Variants in UNC80 observed in about 807,000 individuals in gnomAD.
UNC80 encodes protein unc-80 homolog.
In UNC80, 164 loss-of-function variants were observed where a neutral mutation model predicts 384.6. That is an observed-to-expected ratio of 0.43 (90% CI 0.38 to 0.49). UNC80 has a LOEUF of 0.49. UNC80 is among the 20% of genes least tolerant of loss of function. The pLI, the probability that UNC80 is intolerant of heterozygous loss-of-function variation, is 0.00. For missense variants in UNC80, 3,330 were observed against 4,143.0 expected (o/e 0.80, Z 5.39); for synonymous variants, 1,486 against 1,527.8 (o/e 0.97, Z 0.64).
rs562119655 is a variant in UNC80, at chr2:209,918,744, A to T, written c.5343+81A>T. 2.1e-5 allele frequency: 29 copies of T among 1,388,694 alleles called. No homozygotes were observed. In the South Asian group the frequency reaches 4.6e-4, roughly 22 times the overall value. The allele number at this position is 1,388,694 out of a possible 1,614,324, so 86.0% of individuals were successfully genotyped here. A position where few individuals can be genotyped will look rare whatever the true frequency, so the allele number is the denominator to read the frequency against. ...TATTTGTGGTAATTTGTTCATTCTCATCATAAGAATGTAATAATAACACAG... is the reference window on the plus strand; with the variant it reads ...TATTTGTGGTAATTTGTTCATTCTCTTCATAAGAATGTAATAATAACACAG... On this transcript the variant is annotated intron_variant, in intron 33 of 64. Coordinates refer to ENST00000673920, the MANE Select transcript of UNC80 (RefSeq NM_001371986.1).
Position 209,820,463 on chromosome 2 carries a change from G to T in UNC80, c.2115G>T (p.Glu705Asp), listed in dbSNP as rs2080055145. The T allele has an allele frequency of 6.4e-7, 1 of 1,551,704 alleles. No homozygotes were observed. Among genetic ancestry groups the T allele is most frequent in the African/African-American group, 1.4e-5 (1 of 73,146 alleles). Residue 705 changes from glutamate to aspartate, a missense_variant, in exon 13 of 65, where the codon GAG becomes GAT. Around this residue, in one of 8 missense-constraint regions of UNC80, gnomAD observed 937 missense variants for 1,026.8 expected, o/e 0.91. Coordinates refer to ENST00000673920, the MANE Select transcript of UNC80 (RefSeq NM_001371986.1). ...NRKKSENKEN[E>D]TLEKRPSEGA... ...AGAAGAGTGAAAACAAGGAAAATGA[G>T]ACCTTGGAAAAGAGGCCAAGTGAGG...
chr2:209,989,941 C>T (rs555209525), intron 61 of UNC80, among the ~76,000 whole-genome samples: 70 of 152,178 alleles, frequency 4.6e-4, no homozygotes, highest in Non-Finnish European at 6.0e-4. Flanking sequence ...ATTTTTAGAG[C>T]GAGTATAATT....
At chr2:209,898,437 C>T (rs2087023271) in intron 28 of UNC80, among the ~76,000 whole-genome samples, 1 of 151,880 alleles carries the variant, frequency 6.6e-6, no homozygotes, top group Non-Finnish European at 1.5e-5. Flanking sequence ...TTAAAATTTC[C>T]ATTGTGATGT....
chr2:209,944,427 T>C (rs906954022), intron 45 of UNC80, among the ~76,000 whole-genome samples: 7 of 152,158 alleles, frequency 4.6e-5, no homozygotes, highest in Non-Finnish European at 1.0e-4. Context: ...AAGCAAGACC[T>C]TTGTATGCTT....
rs1054716684 is a variant in UNC80, at chr2:209,793,843, G to C, written c.922G>C (p.Gly308Arg). The C allele has an allele frequency of 2.5e-6, 4 of 1,614,062 alleles. No homozygotes were observed. Among genetic ancestry groups the C allele is most frequent in the Non-Finnish European group, 3.4e-6 (4 of 1,179,994 alleles). Residue 308 changes from glycine to arginine, a missense_variant, in exon 7 of 65, where the codon GGC (glycine) becomes CGC (arginine). By Grantham distance (125) the Gly-to-Arg change is moderately radical. Coordinates refer to ENST00000673920, the MANE Select transcript of UNC80 (RefSeq NM_001371986.1). ...GTCCTCCCAAACTTCCCAGGAAAGA[G>C]GCCCATCACATTCCAGGTACCTGAT... ...SLSSQTSQER[G>R]PSHSRASLVI...
Position 209,959,558 on chromosome 2 carries a change from G to A in UNC80, c.7656G>A (p.Arg2552=). The change falls in exon 51 of 65, where the codon CGG becomes CGA. Residue 2552 remains arginine, a synonymous_variant. Transcript: ENST00000673920. ...PREELDERIA[R]EEFRRPRESL... ...AGGAACTGGATGAACGAATTGCTCG[G>A]GAAGAGTTCAGAAGACCCCGGGAGT... 6.4e-7 allele frequency: 1 copy of A among 1,551,696 alleles called. No homozygotes were observed. The highest frequency in any genetic ancestry group is 2.0e-5 in the Admixed American group (1 of 51,002).
Position 209,933,857 on chromosome 2 carries a change from C to T in UNC80, c.6030C>T (p.Cys2010=), listed in dbSNP as rs572684498. The part of the protein sequence containing the change: ...GLIMYFVRTP[C]EWGMDAISAT... ...TCATGTACTTTGTGCGGACCCCCTGCGAGTGGGGGATGGATGCCATTTCAG... is the reference window on the plus strand; with the variant it reads ...TCATGTACTTTGTGCGGACCCCCTGTGAGTGGGGGATGGATGCCATTTCAG... The change falls in exon 39 of 65, where the codon TGC becomes TGT. Residue 2010 remains cysteine, a synonymous_variant. Transcript: ENST00000673920. The T allele has an allele frequency of 9.0e-6, 14 of 1,551,120 alleles. 1 individual carries two copies. The highest frequency in any genetic ancestry group is 7.1e-5 in the South Asian group (6 of 84,010).
chr2:209,777,829 C>T (rs980467225), intron 4 of UNC80, among the ~76,000 whole-genome samples: 1 of 152,146 alleles, frequency 6.6e-6, no homozygotes, highest in Non-Finnish European at 1.5e-5. Flanking sequence ...AAAGGTCAAG[C>T]ATGATGTAGG....
chr2:209,962,431 G>A (rs144631771), intron 51 of UNC80, among the ~76,000 whole-genome samples: 4 of 152,190 alleles, frequency 2.6e-5, no homozygotes, highest in African/African-American at 7.2e-5. Context: ...TTGTTAAAAG[G>A]GAAGAGTAGT....
chr2:209,815,245 A>G lies in UNC80; in HGVS notation c.1201-12A>G, dbSNP rs968670563. 8 of 1,550,958 alleles carry G rather than the reference A, an allele frequency of 5.2e-6. No homozygotes were observed. The highest frequency in any genetic ancestry group is 3.3e-4 in the Middle Eastern group (2 of 5,990). ...AGTCCTAAGTCCTTGATCACTGTCT[A>G]CCTTTATTAAGGATCTCACCATGAA... On this transcript the variant is annotated splice_polypyrimidine_tract_variant and intron_variant, in intron 8 of 64. Transcript: ENST00000673920.
chr2:209,880,983 C>G lies in UNC80; in HGVS notation c.3999C>G (p.Cys1333Trp). Residue 1333 changes from cysteine to tryptophan, a missense_variant, in exon 25 of 65, where the codon TGC (cysteine) becomes TGG (tryptophan). Around this residue, in one of 8 missense-constraint regions of UNC80, gnomAD observed 801 missense variants for 950.8 expected, o/e 0.84. Transcript: ENST00000673920. ...TAGGTACTGTGAACCCCTCTAAATG[C>G]GGTTGCCCCTTTGCCTTGAAGATGG... Reference protein sequence around the residue: ...LDDSTVNPSKCGCPFALKMAA... With the variant: ...LDDSTVNPSKWGCPFALKMAA... 1 of 1,552,020 alleles carries G rather than the reference C, an allele frequency of 6.4e-7. No individual in the cohort carries two copies. Among genetic ancestry groups the G allele is most frequent in the Non-Finnish European group, 8.7e-7 (1 of 1,147,050 alleles).
chr2:209,944,265 A>G (rs2091801379), intron 45 of UNC80, among the ~76,000 whole-genome samples: 1 of 152,140 alleles, frequency 6.6e-6, no homozygotes, highest in African/African-American at 2.4e-5. Flanking sequence ...AAGGTTTCCC[A>G]ATTTTCATTC....
intron 1 of UNC80, among the ~76,000 whole-genome samples, chr2:209,772,737 A>G (rs1351429360): frequency 6.6e-6 from 1 of 152,126 alleles, no homozygotes; most frequent in African/African-American, 2.4e-5. Context: ...ATCAGATAAG[A>G]TATTAGATTC....
intron 51 of UNC80, among the ~76,000 whole-genome samples, chr2:209,966,018 A>G (rs1195605300): frequency 2.6e-5 from 4 of 151,980 alleles, no homozygotes; most frequent in South Asian, 2.1e-4. Context: ...CTTTCCATGT[A>G]TGGCTGCCCC....
intron 7 of UNC80, chr2:209,809,040 G>A (rs1378444467): frequency 7.5e-6 from 3 of 400,912 alleles, no homozygotes; most frequent in African/African-American, 4.2e-5. Flanking sequence ...GTTTCAAGGC[G>A]GCAGAACTGA....
In UNC80 at chr2:209,773,150, A is replaced by T. The variant is rs755763778; in HGVS notation, c.141+8A>T. On this transcript the variant is annotated splice_region_variant and intron_variant, in intron 2 of 64. Coordinates refer to ENST00000673920, the MANE Select transcript of UNC80 (RefSeq NM_001371986.1). Reference sequence around the variant, plus strand: ...TATGAAGCTTCTTGTGTGGTATGTGATTTTCACCATTTAATAATTATTTCC... The same window carrying T: ...TATGAAGCTTCTTGTGTGGTATGTGTTTTTCACCATTTAATAATTATTTCC... 1 of 1,611,834 alleles carries T rather than the reference A, an allele frequency of 6.2e-7. No individual in the cohort carries two copies. The highest frequency in any genetic ancestry group is 8.5e-7 in the Non-Finnish European group (1 of 1,178,364).
rs984841362 is a variant in UNC80 at position 209,993,326 on chromosome 2, T to A, written c.9408T>A (p.Pro3136=). ...RKRGLRQLRR[P]LLSRQKTQTE... is the part of the protein sequence containing the mutation. ...CCTATTCTCTTTAGCTAAGACGTCC[T>A]CTACTATCACGTCAGAAAACTCAGA... Residue 3136 remains proline (P), a synonymous_variant, in exon 63 of 65, where the codon CCT becomes CCA. Coordinates refer to ENST00000673920, the MANE Select transcript of UNC80 (RefSeq NM_001371986.1). 6.4e-7 allele frequency: 1 copy of A among 1,551,916 alleles called. No individual in the cohort carries two copies. Among genetic ancestry groups the A allele is most frequent in the Non-Finnish European group, 8.7e-7 (1 of 1,146,950 alleles).
chr2:209,978,668 G>C lies in UNC80; in HGVS notation c.9078G>C (p.Ser3026=). 1 of 1,549,328 alleles carries C rather than the reference G, an allele frequency of 6.5e-7. No individual in the cohort carries two copies. The highest frequency in any genetic ancestry group is 1.7e-4 in the Middle Eastern group (1 of 5,984). Residue 3026 remains serine (S), a synonymous_variant, in exon 59 of 65, where the codon TCG becomes TCC. Coordinates refer to ENST00000673920, the MANE Select transcript of UNC80 (RefSeq NM_001371986.1). ...EQDSEPSQQA[S]QDTLSRTDEE... The stretch of plus-strand genomic sequence containing the variant: ...ACAGTGAGCCATCCCAGCAGGCTTC[G>C]CAGGACACCCTGAGTCGGACTGATG...
At chr2:209,985,172 T>A (rs1559442738) in intron 61 of UNC80, among the ~76,000 whole-genome samples, 1 of 152,212 alleles carries the variant, frequency 6.6e-6, no homozygotes, top group Non-Finnish European at 1.5e-5. Flanking sequence ...GAATTCTTTA[T>A]GGGGCATTTC....
Sources: gnomAD v4.1 joint callset for allele counts (sites outside exome capture counted in the v4.1 genomes callset) on GRCh38, gnomAD v4.1.1 for gene constraint, gnomAD v4.1.1 regional missense constraint, MANE v1.5 for transcripts, NCBI Gene and HGNC (gene_info 2026-07-23, HGNC 2026-07-21) for gene names.